Variants in GRM3 observed in about 807,000 individuals in gnomAD.
The protein encoded by GRM3 is metabotropic glutamate receptor 3.
GRM3 carries 26 observed loss-of-function variants against 70.5 expected under a neutral mutation model. The ratio of observed to expected loss-of-function variants is 0.37; its 90% CI spans 0.27 to 0.51. The LOEUF is 0.51. Among genes scored for constraint, GRM3 ranks in the 20% least tolerant of loss-of-function variants. The probability of loss-of-function intolerance (pLI) is 0.93; values close to 1 mark genes in which losing one functional copy is unlikely to be tolerated. For missense variants in GRM3, 859 were observed against 1,123.8 expected (o/e 0.76, Z 3.37); for synonymous variants, 443 against 434.9 (o/e 1.02, Z -0.23).
chr7:86,796,937 A>G (rs75022429), intron 3 of GRM3, among the ~76,000 whole-genome samples: 8,198 of 152,208 alleles, frequency 0.054, 708 homozygotes, highest in African/African-American at 0.19. Context: ...AAAAGGGCAG[A>G]TCCCCTGTGA....
rs539770482 is a variant in GRM3, at chr7:86,812,703, C to T, written c.1324+25587C>T. 1.6e-4 allele frequency among the ~76,000 whole-genome samples: 25 copies of T among 151,786 alleles called. No individual in the cohort carries two copies. In the South Asian group the frequency reaches 4.6e-3, roughly 28 times the overall value. On this transcript the variant is annotated intron_variant, in intron 3 of 5. Coordinates refer to ENST00000361669, the MANE Select transcript of GRM3 (RefSeq NM_000840.3). The stretch of plus-strand genomic sequence containing the variant: ...CATATCAAAGGTAATTGCATCTCAG[C>T]AGATATTTGTTGTGGAAAAATTGGT...
chr7:86,741,811 A>C (rs1487543044), intron 1 of GRM3, among the ~76,000 whole-genome samples: 1 of 152,184 alleles, frequency 6.6e-6, no homozygotes, highest in African/African-American at 2.4e-5. Flanking sequence ...TTTTTGTTGC[A>C]TATGTTTTGT....
rs1025218384 is a variant in GRM3, at chr7:86,697,541, C to CT, written c.-141+52676dup. On this transcript the variant is annotated intron_variant, in intron 1 of 5. Coordinates refer to ENST00000361669, the MANE Select transcript of GRM3 (RefSeq NM_000840.3). Reference sequence around the variant, plus strand: ...GAAGACATTTTTTCTGAAATTTTTGCTTTTTTTCCCCACGTTATCAATTTT... The same window carrying CT: ...GAAGACATTTTTTCTGAAATTTTTGCTTTTTTTTCCCCACGTTATCAATTTT... Among the ~76,000 whole-genome samples, 7 of 152,008 alleles carry CT rather than the reference C, an allele frequency of 4.6e-5. No individual in the cohort carries two copies. In the East Asian group the frequency reaches 9.6e-4, roughly 21 times the overall value.
At chr7:86,815,372 T>A (rs1797995391) in intron 3 of GRM3, among the ~76,000 whole-genome samples, 1 of 151,864 alleles carries the variant, frequency 6.6e-6, no homozygotes, top group South Asian at 2.1e-4. Flanking sequence ...GATGATTTTG[T>A]CAAGCCATGA....
chr7:86,666,503 A>G (rs534823528), intron 1 of GRM3, among the ~76,000 whole-genome samples: 38 of 152,214 alleles, frequency 2.5e-4, no homozygotes, highest in African/African-American at 8.7e-4. Flanking sequence ...AGGGATTTTT[A>G]TATTTAAAAG....
At position 86,645,324 on chromosome 7, in the gene GRM3, G is replaced by C. The variant is rs2299209; in HGVS notation, c.-141+452G>C. Among the ~76,000 whole-genome samples the C allele has an allele frequency of 7.0e-3, 1,064 of 152,224 alleles. 19 individuals are homozygous for C. The highest frequency in any genetic ancestry group is 0.024 in the African/African-American group (998 of 41,534). On this transcript the variant is annotated intron_variant, in intron 1 of 5. Transcript: ENST00000361669. ...CAGGCAGAGGTGGGCAACGGTCAGC[G>C]AGACCTGGTCCATGCAGCCCAGATA...
intron 3 of GRM3, among the ~76,000 whole-genome samples, chr7:86,799,932 T>C (rs1584252726): frequency 2.6e-5 from 4 of 152,220 alleles, no homozygotes; most frequent in Admixed American, 6.5e-5. Flanking sequence ...GTCTTCAGTA[T>C]GCTTACTGAT....
intron 3 of GRM3, among the ~76,000 whole-genome samples, chr7:86,792,013 C>T (rs1319743532): frequency 4.6e-5 from 7 of 152,098 alleles, no homozygotes; most frequent in Admixed American, 4.6e-4. Context: ...TTCAAACTTA[C>T]TTTGAGTAAA....
chr7:86,811,148 C>T (rs888665905), intron 3 of GRM3, among the ~76,000 whole-genome samples: 7 of 151,854 alleles, frequency 4.6e-5, no homozygotes, highest in Admixed American at 2.6e-4. Flanking sequence ...CTCATGTGAA[C>T]CATAAATTTT....
At chr7:86,707,458 GAC>G (rs1795086143) in intron 1 of GRM3, among the ~76,000 whole-genome samples, 1 of 152,014 alleles carries the variant, frequency 6.6e-6, no homozygotes, top group Admixed American at 6.6e-5. Flanking sequence ...AAGACTCTGG[GAC>G]CATTTTGCCT....
intron 1 of GRM3, among the ~76,000 whole-genome samples, chr7:86,726,298 G>A (rs1330966913): frequency 6.6e-6 from 1 of 152,124 alleles, no homozygotes; most frequent in African/African-American, 2.4e-5. Context: ...GGACCTTGTG[G>A]TCATTACAGA....
At chr7:86,713,465 A>G (rs1795244798) in intron 1 of GRM3, among the ~76,000 whole-genome samples, 1 of 151,932 alleles carries the variant, frequency 6.6e-6, no homozygotes, top group African/African-American at 2.4e-5. Context: ...ATATCCAGAT[A>G]TCCTGTGCTA....
chr7:86,776,930 C>T (rs1473162995), intron 2 of GRM3, among the ~76,000 whole-genome samples: 3 of 152,100 alleles, frequency 2.0e-5, no homozygotes, highest in Non-Finnish European at 2.9e-5. Flanking sequence ...TGTGATTTCT[C>T]CTGAAAACTA....
intron 3 of GRM3, among the ~76,000 whole-genome samples, chr7:86,829,863 G>C (rs984872326): frequency 6.6e-6 from 1 of 152,132 alleles, no homozygotes; most frequent in Non-Finnish European, 1.5e-5. Flanking sequence ...TTGGAAAAAT[G>C]GTACTGATAG....
intron 4 of GRM3, among the ~76,000 whole-genome samples, chr7:86,840,821 C>T (rs1274125571): frequency 6.6e-6 from 1 of 152,126 alleles, no homozygotes; most frequent in African/African-American, 2.4e-5. Context: ...AAATGAAGTG[C>T]CTCCATCAGT....
chr7:86,825,186 C>T (rs962396301), intron 3 of GRM3, among the ~76,000 whole-genome samples: 2 of 152,116 alleles, frequency 1.3e-5, no homozygotes, highest in Admixed American at 6.5e-5. Flanking sequence ...GTTTAGCTCC[C>T]GCTTATAAGT....
chr7:86,846,695 A>G (rs181342338), intron 4 of GRM3, among the ~76,000 whole-genome samples: 4 of 152,314 alleles, frequency 2.6e-5, no homozygotes, highest in African/African-American at 9.6e-5. Context: ...CTTCTCCTTA[A>G]CAGGAAATAA....
intron 1 of GRM3, among the ~76,000 whole-genome samples, chr7:86,655,471 G>A (rs1298522552): frequency 6.6e-6 from 1 of 151,918 alleles, no homozygotes; most frequent in Non-Finnish European, 1.5e-5. Flanking sequence ...CCTTTAAAAG[G>A]TATTCAGTAA....
chr7:86,863,561 G>A (rs1798998694), intron 5 of GRM3, among the ~76,000 whole-genome samples: 1 of 152,124 alleles, frequency 6.6e-6, no homozygotes, highest in South Asian at 2.1e-4. Context: ...TGAAACTGAA[G>A]CTCTTAGCAA....
Sources: gnomAD v4.1 joint callset for allele counts (sites outside exome capture counted in the v4.1 genomes callset) on GRCh38, gnomAD v4.1.1 for gene constraint, MANE v1.5 for transcripts, NCBI Gene and HGNC (gene_info 2026-07-23, HGNC 2026-07-21) for gene names.